Variants in PEX5L observed in about 807,000 individuals in gnomAD.
PEX5L encodes PEX5-related protein.
A neutral mutation model predicts 84.0 loss-of-function variants in PEX5L; 30 were observed. The observed-to-expected ratio is 0.36, with a 90% CI of 0.27 to 0.48. The LOEUF (loss-of-function observed/expected upper bound fraction) is 0.48. Ranked by LOEUF, PEX5L falls within the 20% of genes least tolerant of loss-of-function variation. The probability of loss-of-function intolerance (pLI) is 0.99; values close to 1 mark genes in which losing one functional copy is unlikely to be tolerated. For missense variants in PEX5L, 533 were observed against 754.6 expected, an observed-to-expected ratio of 0.71 and a Z score of 3.44; for synonymous variants, 270 against 283.1, an observed-to-expected ratio of 0.95 and a Z score of 0.46.
At chr3:179,959,874 A>G (rs966778829) in intron 2 of PEX5L, among the ~76,000 whole-genome samples, 11 of 152,216 alleles carry the variant, frequency 7.2e-5, no homozygotes, top group Admixed American at 1.3e-4. Flanking sequence ...TTAGAACTAT[A>G]GCAGGTATTA....
At chr3:179,821,027 G>A (rs937676456) in intron 8 of PEX5L, among the ~76,000 whole-genome samples, 1 of 152,112 alleles carries the variant, frequency 6.6e-6, no homozygotes, top group Admixed American at 6.5e-5. Context: ...TCACATGGCC[G>A]GGAAATAGAA....
At chr3:179,962,647 G>A (rs529751993) in intron 2 of PEX5L, among the ~76,000 whole-genome samples, 22 of 152,122 alleles carry the variant, frequency 1.4e-4, no homozygotes, top group South Asian at 6.2e-4. Flanking sequence ...AATATTTACA[G>A]TTCTTATTTT....
chr3:180,017,158 G>C (rs1218511256), intron 1 of PEX5L, among the ~76,000 whole-genome samples: 1 of 152,142 alleles, frequency 6.6e-6, no homozygotes, highest in African/African-American at 2.4e-5. Context: ...AAGGAAATCG[G>C]GAGAACCACT....
chr3:180,018,607 C>T (rs1229442423), intron 1 of PEX5L, among the ~76,000 whole-genome samples: 3 of 152,056 alleles, frequency 2.0e-5, no homozygotes, highest in East Asian at 1.9e-4. Context: ...TCATTTTATT[C>T]GTTTTTAGAG....
chr3:179,898,555 A>G (rs1578183608), intron 2 of PEX5L, among the ~76,000 whole-genome samples: 1 of 152,154 alleles, frequency 6.6e-6, no homozygotes, highest in South Asian at 2.1e-4. Context: ...ATATCAATTT[A>G]AAAACACTAT....
chr3:179,888,195 C>T, intron 3 of PEX5L: 1 of 1,286,766 alleles, frequency 7.8e-7, no homozygotes, highest in Non-Finnish European at 1.0e-6. Context: ...TAGCACTGCT[C>T]AGTCAGTGTT....
chr3:179,849,262 T>C (rs1179111340), intron 8 of PEX5L, among the ~76,000 whole-genome samples: 1 of 152,254 alleles, frequency 6.6e-6, no homozygotes, highest in Admixed American at 6.5e-5. Context: ...ATTACTTATA[T>C]AGGCAAAATC....
intron 10 of PEX5L, among the ~76,000 whole-genome samples, chr3:179,812,439 T>A (rs1353244054): frequency 6.6e-6 from 1 of 152,154 alleles, no homozygotes; most frequent in African/African-American, 2.4e-5. Flanking sequence ...AATGTAGACA[T>A]AATTTTATAG....
chr3:179,943,343 A>C (rs1776665179), intron 2 of PEX5L, among the ~76,000 whole-genome samples: 1 of 152,258 alleles, frequency 6.6e-6, no homozygotes, highest in South Asian at 2.1e-4. Flanking sequence ...TAAGTGAGTG[A>C]ATTGCTCATT....
chr3:179,889,887 T>C (rs911393345), intron 3 of PEX5L, among the ~76,000 whole-genome samples: 8 of 152,236 alleles, frequency 5.3e-5, no homozygotes, highest in African/African-American at 1.9e-4. Flanking sequence ...CTTTCTGGCA[T>C]AAAAGTCAAT....
chr3:179,884,865 A>C (rs1755266864), intron 4 of PEX5L, among the ~76,000 whole-genome samples: 1 of 152,198 alleles, frequency 6.6e-6, no homozygotes, highest in Non-Finnish European at 1.5e-5. Flanking sequence ...GGGTGGAAAA[A>C]AATTATAATT....
At chr3:179,913,884 ATTTTAT>A (rs1483263255) in intron 2 of PEX5L, among the ~76,000 whole-genome samples, 1 of 152,114 alleles carries the variant, frequency 6.6e-6, no homozygotes, top group Non-Finnish European at 1.5e-5. Flanking sequence ...AATGTTAATT[ATTTTAT>A]TTTTAAGTTA....
At chr3:179,813,193 G>A (rs532988564) in intron 10 of PEX5L, among the ~76,000 whole-genome samples, 2 of 152,110 alleles carry the variant, frequency 1.3e-5, no homozygotes, top group Admixed American at 6.5e-5. Context: ...CTTTGGCCAT[G>A]GTGTCATTTT....
rs147227471 is a variant in PEX5L, at chr3:180,018,118, C to T, written c.21+18461G>A. ...TGTCAGGAACTGAATGGAACATATA[C>T]GTTACATTAGAACATCCTTTCCCAC... On this transcript the variant is annotated intron_variant, in intron 1 of 14. Transcript: ENST00000467460. Among the ~76,000 whole-genome samples, 564 of 152,276 alleles carry T rather than the reference C, an allele frequency of 3.7e-3. 5 individuals carry two copies. The highest frequency in any genetic ancestry group is 0.013 in the African/African-American group (543 of 41,554).
At chr3:179,904,807 T>C (rs1285606599) in intron 2 of PEX5L, among the ~76,000 whole-genome samples, 2 of 152,112 alleles carry the variant, frequency 1.3e-5, no homozygotes, top group Non-Finnish European at 2.9e-5. Context: ...GCCCTTCTCC[T>C]TCTGAGTTGG....
chr3:179,977,959 A>T (rs1301075790), intron 1 of PEX5L, among the ~76,000 whole-genome samples: 2 of 152,230 alleles, frequency 1.3e-5, no homozygotes, highest in Non-Finnish European at 2.9e-5. Context: ...ATGGGCAAAC[A>T]AAACATATGG....
At chr3:179,974,849 A>G (rs1031004383) in intron 1 of PEX5L, among the ~76,000 whole-genome samples, 3 of 152,200 alleles carry the variant, frequency 2.0e-5, no homozygotes, top group Admixed American at 6.5e-5. Flanking sequence ...AAAGTAAAAC[A>G]GAAAGGTGAG....
At chr3:179,986,656 C>A (rs1156634872) in intron 1 of PEX5L, among the ~76,000 whole-genome samples, 1 of 152,118 alleles carries the variant, frequency 6.6e-6, no homozygotes, top group African/African-American at 2.4e-5. Context: ...CCCGTCTTGG[C>A]CTCCCAAAGT....
intron 1 of PEX5L, among the ~76,000 whole-genome samples, chr3:180,024,846 G>A (rs1790800986): frequency 6.6e-6 from 1 of 152,102 alleles, no homozygotes; most frequent in Non-Finnish European, 1.5e-5. Context: ...GTTGTCTCAG[G>A]GGTGTGTGTG....
Sources: allele counts gnomAD v4.1 joint callset (sites outside exome capture counted in the v4.1 genomes callset), GRCh38; gene constraint gnomAD v4.1.1; transcripts MANE v1.5; gene names NCBI Gene and HGNC (gene_info 2026-07-23, HGNC 2026-07-21).